Variants in PLEKHA8 observed in about 807,000 individuals in gnomAD.
PLEKHA8 encodes pleckstrin homology domain containing A8.
A neutral mutation model predicts 68.2 loss-of-function variants in PLEKHA8; 36 were observed. The observed-to-expected ratio is 0.53, with a 90% CI of 0.40 to 0.70. The LOEUF (loss-of-function observed/expected upper bound fraction) is 0.70, where lower values mean the gene tolerates loss of function less well. Ranked by LOEUF, PLEKHA8 falls within the 30% of genes least tolerant of loss-of-function variation. The pLI is 0.00. For synonymous variants in PLEKHA8, 211 were observed against 216.1 expected (o/e 0.98, Z 0.20); for missense variants, 505 against 615.4 (o/e 0.82, Z 1.90).
At position 30,052,830 on chromosome 7, in the gene PLEKHA8, A is replaced by G. The variant is rs774701513; in HGVS notation, c.760A>G (p.Ile254Val). The change falls in exon 7 of 14, where the codon ATA (isoleucine) becomes GTA (valine). Residue 254 changes from isoleucine to valine, a missense_variant. By Grantham distance (29) the Ile-to-Val change is conservative. Transcript: ENST00000449726. ...YLKSAEIDCS[I>V]SSEENTDDNI... ...GAAATCTGCAGAGATAGACTGCAGC[A>G]TATCAAGTGAGGAAAATACAGATGA... is the stretch of plus-strand genomic sequence containing the variant. 1 of 1,577,848 alleles carries G rather than the reference A, an allele frequency of 6.3e-7. No individual in the cohort carries two copies. Among genetic ancestry groups the G allele is most frequent in the Non-Finnish European group, 8.5e-7 (1 of 1,170,040 alleles).
At chr7:30,089,377 G>T (rs908978288), downstream of PLEKHA8, among the ~76,000 whole-genome samples, 14 of 138,326 alleles carry the variant, frequency 1.0e-4, no homozygotes, top group African/African-American at 3.6e-4. Flanking sequence ...AGCAACTACA[G>T]GAGTAACATG....
intron 4 of PLEKHA8, among the ~76,000 whole-genome samples, chr7:30,049,023 T>A (rs899479479): frequency 2.6e-5 from 4 of 152,210 alleles, no homozygotes; most frequent in African/African-American, 9.7e-5. Context: ...AGCTCCCTCA[T>A]TGCTTGTAGG....
At chr7:30,093,979 A>G (rs1397347660), downstream of PLEKHA8, among the ~76,000 whole-genome samples, 1 of 152,232 alleles carries the variant, frequency 6.6e-6, no homozygotes, top group Non-Finnish European at 1.5e-5. Flanking sequence ...TATGAGGATT[A>G]GCTGAGATGA....
intron 1 of PLEKHA8, among the ~76,000 whole-genome samples, chr7:30,041,928 A>G (rs1018389310): frequency 1.3e-5 from 2 of 152,088 alleles, no homozygotes; most frequent in African/African-American, 4.8e-5. Context: ...CATGTAAAAT[A>G]ATGGTGTGTC....
At chr7:30,090,323 G>C in exon 13 of PLEKHA8, 3 of 945,090 alleles carry the variant, frequency 3.2e-6, no homozygotes, top group Non-Finnish European at 4.7e-6. Context: ...GAGTATTTCC[G>C]AAGTTCTGAG....
At chr7:30,064,948 G>A (rs145168390) in intron 12 of PLEKHA8, among the ~76,000 whole-genome samples, 20 of 152,274 alleles carry the variant, frequency 1.3e-4, no homozygotes, top group Admixed American at 3.3e-4. Context: ...GGGGTGGAAC[G>A]GAACCCAGCT....
rs1056406938 is a variant in PLEKHA8 at position 30,080,674 on chromosome 7, G to A, written c.*1887G>A. The A allele has an allele frequency of 3.3e-5, 32 of 973,598 alleles. No homozygotes were observed. The highest frequency in any genetic ancestry group is 6.2e-5 in the Admixed American group (1 of 16,192). The allele number at this position is 973,598 out of a possible 1,614,324, so 60.3% of individuals were successfully genotyped here. The stretch of plus-strand genomic sequence containing the variant: ...TTTTAAAGCTAGGGAGAAAGAAGGG[G>A]GGTATTAAAATGATGTTGATTATTT... On this transcript the variant is annotated 3_prime_UTR_variant, in exon 14 of 14. Coordinates refer to ENST00000449726, the MANE Select transcript of PLEKHA8 (RefSeq NM_001197026.2).
chr7:30,115,767 C>T (rs1796451133), intron 13 of PLEKHA8: 1 of 148,154 alleles, frequency 6.7e-6, no homozygotes, highest in African/African-American at 2.5e-5. Flanking sequence ...TACATGTATA[C>T]ACGTATGCAT....
intron 13 of PLEKHA8, among the ~76,000 whole-genome samples, chr7:30,102,429 T>G (rs1023019154): frequency 1.3e-5 from 2 of 152,156 alleles, no homozygotes; most frequent in Non-Finnish European, 2.9e-5. Flanking sequence ...AGGTATAGAC[T>G]CGAGGAAATT....
chr7:30,078,685 G>T lies in PLEKHA8; in HGVS notation c.1458G>T (p.Met486Ile). ...DHQKEAFSIG[M>I]QRDLSLYLPA... ...AGAAAGAAGCTTTCAGTATTGGGAT[G>T]CAGAGGGACCTCAGCCTTTACCTCC... Residue 486 changes from methionine (M) to isoleucine (I), a missense_variant, in exon 14 of 14, where the codon ATG becomes ATT. Physicochemically the swap from Met to Ile is conservative, Grantham distance 10. Coordinates refer to ENST00000449726, the MANE Select transcript of PLEKHA8 (RefSeq NM_001197026.2). 6.2e-7 allele frequency: 1 copy of T among 1,613,878 alleles called. No homozygotes were observed. The highest frequency in any genetic ancestry group is 8.5e-7 in the Non-Finnish European group (1 of 1,179,846).
intron 9 of PLEKHA8, among the ~76,000 whole-genome samples, chr7:30,056,947 A>G (rs1394569171): frequency 6.8e-6 from 1 of 147,712 alleles, no homozygotes; most frequent in Admixed American, 6.8e-5. Context: ...ATATATTTAT[A>G]TATATAAAAA....
At chr7:30,030,853 A>G (rs916843496) in intron 1 of PLEKHA8, among the ~76,000 whole-genome samples, 4 of 152,342 alleles carry the variant, frequency 2.6e-5, no homozygotes, top group African/African-American at 9.6e-5. Flanking sequence ...ATGTTGTGTT[A>G]GTGACAAGTT....
At chr7:30,074,403 TAAAG>T (rs1313488117) in intron 13 of PLEKHA8, among the ~76,000 whole-genome samples, 13 of 152,172 alleles carry the variant, frequency 8.5e-5, no homozygotes, top group East Asian at 3.8e-4. Flanking sequence ...CAAAGACTGT[TAAAG>T]AAATATGAAT....
intron 13 of PLEKHA8, among the ~76,000 whole-genome samples, chr7:30,101,384 G>T (rs1448140329): frequency 6.6e-6 from 1 of 152,122 alleles, no homozygotes; most frequent in Non-Finnish European, 1.5e-5. Context: ...AGTTGTGGTG[G>T]CTGGGAAGTC....
chr7:30,094,275 C>CT (rs764501216), downstream of PLEKHA8, among the ~76,000 whole-genome samples: 1,321 of 138,196 alleles, frequency 9.6e-3, 15 homozygotes, highest in African/African-American at 0.027. Context: ...CAAGTTTCTA[C>CT]TTTTTTTTTT....
intron 13 of PLEKHA8, among the ~76,000 whole-genome samples, chr7:30,120,525 A>G (rs935730349): frequency 7.9e-5 from 12 of 152,268 alleles, no homozygotes; most frequent in Non-Finnish European, 4.4e-5. Flanking sequence ...AGGTTACAAC[A>G]GTCTGTTTAC....
chr7:30,074,156 A>G lies in PLEKHA8; in HGVS notation c.1362+24A>G, dbSNP rs559809950. ...CGGTAAGTGATCCTTCTTGTCTCCTATTATTAACTGTATTGGGTATGCCAG... is the reference window on the plus strand; with the variant it reads ...CGGTAAGTGATCCTTCTTGTCTCCTGTTATTAACTGTATTGGGTATGCCAG... On this transcript the variant is annotated intron_variant, in intron 13 of 13. Transcript: ENST00000449726. 1.5e-4 allele frequency: 236 copies of G among 1,599,834 alleles called. 1 individual carries two copies. The Middle Eastern group carries it at 3.0e-3, about 20-fold the overall frequency.
At chr7:30,128,151 G>A (rs1200336907) in intron 13 of PLEKHA8, among the ~76,000 whole-genome samples, 3 of 150,234 alleles carry the variant, frequency 2.0e-5, no homozygotes, top group Non-Finnish European at 4.4e-5. Flanking sequence ...CTGTCACCCA[G>A]GCTGGAGTGC....
At chr7:30,095,210 C>T (rs1339132048), downstream of PLEKHA8, among the ~76,000 whole-genome samples, 6 of 152,168 alleles carry the variant, frequency 3.9e-5, no homozygotes, top group East Asian at 1.9e-4. Context: ...TTTTAAAGAT[C>T]GCCATGCTAA....
Sources: gnomAD v4.1 joint callset for allele counts (sites outside exome capture counted in the v4.1 genomes callset) on GRCh38, gnomAD v4.1.1 for gene constraint, MANE v1.5 for transcripts, NCBI Gene and HGNC (gene_info 2026-07-23, HGNC 2026-07-21) for gene names.